Variants in HS3ST4 observed in about 807,000 individuals in gnomAD.
HS3ST4 encodes heparan sulfate-glucosamine 3-sulfotransferase 4.
Under a neutral mutation model 29.2 loss-of-function variants are expected in HS3ST4, and 17 were observed. The observed-to-expected ratio is 0.58, with a 90% confidence interval of 0.40 to 0.87. HS3ST4 has a LOEUF of 0.87. HS3ST4 is among the 40% of genes least tolerant of loss of function. The pLI is 0.00. For missense variants in HS3ST4, 627 were observed against 634.5 expected, an observed-to-expected ratio of 0.99 and a Z score of 0.13; for synonymous variants, 314 against 285.7, an observed-to-expected ratio of 1.10 and a Z score of -1.00.
intron 1 of HS3ST4, among the ~76,000 whole-genome samples, chr16:26,068,264 A>C (rs997609599): frequency 5.3e-5 from 8 of 152,218 alleles, no homozygotes; most frequent in African/African-American, 1.9e-4. Flanking sequence ...CCCCTGAGGA[A>C]GACATTGCCA....
intron 1 of HS3ST4, among the ~76,000 whole-genome samples, chr16:26,056,108 C>T (rs1222786495): frequency 6.6e-6 from 1 of 151,850 alleles, no homozygotes; most frequent in Non-Finnish European, 1.5e-5. Flanking sequence ...TTGTTTTTCA[C>T]AAGGAAGCAA....
chr16:25,794,362 G>A (rs1037105141), intron 1 of HS3ST4, among the ~76,000 whole-genome samples: 23 of 151,624 alleles, frequency 1.5e-4, no homozygotes, highest in African/African-American at 5.6e-4. Flanking sequence ...ATGGGATATG[G>A]GATCATTTTC....
chr16:25,820,032 A>C (rs1171629364), intron 1 of HS3ST4, among the ~76,000 whole-genome samples: 54 of 147,180 alleles, frequency 3.7e-4, no homozygotes, highest in African/African-American at 1.2e-3. Flanking sequence ...AAAAAAAAAA[A>C]AAAAAAAAAA....
At chr16:25,987,776 AT>A (rs200029182) in intron 1 of HS3ST4, among the ~76,000 whole-genome samples, 28,060 of 149,026 alleles carry the variant, frequency 0.19, 2,961 homozygotes, top group Non-Finnish European at 0.24. Flanking sequence ...TGATTAATTG[AT>A]TTTTTTTTTT....
rs544226492 is a variant in HS3ST4 at position 25,872,435 on chromosome 16, T to G, written c.734+179284T>G. On this transcript the variant is annotated intron_variant, in intron 1 of 1. Transcript: ENST00000331351. ...GTGCTGGTTGGGTGGTTCTTCTGTT[T>G]GTGGGCAGACTCAGCTGATCTCTGC... Among the ~76,000 whole-genome samples the G allele has an allele frequency of 4.6e-5, 7 of 152,332 alleles. No homozygotes were observed. In the East Asian group the frequency reaches 1.3e-3, roughly 29 times the overall value.
chr16:25,726,834 C>T (rs138229693), intron 1 of HS3ST4, among the ~76,000 whole-genome samples: 249 of 152,216 alleles, frequency 1.6e-3, no homozygotes, highest in African/African-American at 5.8e-3. Flanking sequence ...CTGTAGGTGA[C>T]GTTTAGCATT....
chr16:26,056,652 A>T (rs1898412144), intron 1 of HS3ST4, among the ~76,000 whole-genome samples: 1 of 152,180 alleles, frequency 6.6e-6, no homozygotes, highest in Non-Finnish European at 1.5e-5. Context: ...TATTCAGTAG[A>T]CAGAGCTTCT....
intron 1 of HS3ST4, among the ~76,000 whole-genome samples, chr16:25,853,137 A>T (rs1459917898): frequency 6.6e-6 from 1 of 152,190 alleles, no homozygotes; most frequent in Non-Finnish European, 1.5e-5. Flanking sequence ...ATTTTACCTT[A>T]TAAAATGCTT....
chr16:25,729,329 C>T (rs569792237), intron 1 of HS3ST4, among the ~76,000 whole-genome samples: 1 of 152,260 alleles, frequency 6.6e-6, no homozygotes, highest in Admixed American at 6.5e-5. Flanking sequence ...GCCACAAGTT[C>T]TAAATATATG....
chr16:25,715,626 A>G (rs1966449153), intron 1 of HS3ST4, among the ~76,000 whole-genome samples: 1 of 152,206 alleles, frequency 6.6e-6, no homozygotes, highest in Non-Finnish European at 1.5e-5. Flanking sequence ...TTTCTGTAAG[A>G]CTTGGGGATT....
intron 1 of HS3ST4, among the ~76,000 whole-genome samples, chr16:26,072,472 T>C (rs2141777925): frequency 6.6e-6 from 1 of 152,284 alleles, no homozygotes; most frequent in East Asian, 1.9e-4. Context: ...GATATATGCA[T>C]GGTGGTGGTC....
intron 1 of HS3ST4, among the ~76,000 whole-genome samples, chr16:25,920,605 C>CA (rs1478469976): frequency 6.7e-6 from 1 of 150,052 alleles, no homozygotes; most frequent in Non-Finnish European, 1.5e-5. Context: ...CGCCCCCACC[C>CA]CTCTTTTTTT....
intron 1 of HS3ST4, among the ~76,000 whole-genome samples, chr16:26,100,333 C>T (rs943501072): frequency 1.1e-4 from 16 of 152,072 alleles, no homozygotes; most frequent in Non-Finnish European, 4.4e-5. Context: ...CTTGCTATTA[C>T]GAAGAAAAAG....
chr16:25,949,556 C>T (rs1968663276), intron 1 of HS3ST4, among the ~76,000 whole-genome samples: 1 of 152,120 alleles, frequency 6.6e-6, no homozygotes, highest in African/African-American at 2.4e-5. Context: ...GATTTGGGAA[C>T]TACTGCAATA....
chr16:25,874,036 C>T (rs188905479), intron 1 of HS3ST4, among the ~76,000 whole-genome samples: 42 of 152,254 alleles, frequency 2.8e-4, no homozygotes, highest in Admixed American at 7.9e-4. Context: ...TCGCACCTCA[C>T]GCTTTCCTCT....
At chr16:26,110,593 T>C (rs1456593086) in intron 1 of HS3ST4, among the ~76,000 whole-genome samples, 2 of 152,216 alleles carry the variant, frequency 1.3e-5, no homozygotes, top group Non-Finnish European at 1.5e-5. Context: ...TCAAGAATCT[T>C]CCCACTTCAC....
intron 1 of HS3ST4, among the ~76,000 whole-genome samples, chr16:26,048,913 G>C (rs1898302504): frequency 6.6e-6 from 1 of 152,126 alleles, no homozygotes; most frequent in Non-Finnish European, 1.5e-5. Context: ...TAAGGAGAAT[G>C]TGTTAGTTGA....
At chr16:25,997,034 A>T (rs1969164398) in intron 1 of HS3ST4, among the ~76,000 whole-genome samples, 2 of 152,134 alleles carry the variant, frequency 1.3e-5, no homozygotes, top group African/African-American at 4.8e-5. Flanking sequence ...TTTTCTAGCT[A>T]GTGAGTGCTT....
intron 1 of HS3ST4, among the ~76,000 whole-genome samples, chr16:26,065,620 CAAAAT>C (rs1898532693): frequency 6.6e-6 from 1 of 150,692 alleles, no homozygotes; most frequent in South Asian, 2.1e-4. Context: ...CCCCTGAACT[CAAAAT>C]AAAAGCGAAA....
Sources: gnomAD v4.1 joint callset for allele counts (sites outside exome capture counted in the v4.1 genomes callset) on GRCh38, gnomAD v4.1.1 for gene constraint, MANE v1.5 for transcripts, NCBI Gene and HGNC (gene_info 2026-07-23, HGNC 2026-07-21) for gene names.